The following FAAH variants were observed in gnomAD, a reference collection of about 807,000 sequenced individuals.
FAAH encodes fatty-acid amide hydrolase 1.
FAAH carries 63 observed loss-of-function variants against 69.7 expected under a neutral mutation model. That is an observed-to-expected ratio of 0.90 (90% CI 0.74 to 1.12). The LOEUF (loss-of-function observed/expected upper bound fraction) is 1.12. Ranked by LOEUF, FAAH falls within the 50% of genes most tolerant of loss-of-function variation. The pLI is 0.00. For synonymous variants in FAAH, 305 were observed against 324.2 expected, an observed-to-expected ratio of 0.94 and a Z score of 0.64; for missense variants, 680 against 755.0, an observed-to-expected ratio of 0.90 and a Z score of 1.16.
At chr1:46,397,855 G>A (rs975651941) in intron 1 of FAAH, among the ~76,000 whole-genome samples, 1 of 151,458 alleles carries the variant, frequency 6.6e-6, no homozygotes, top group African/African-American at 2.4e-5. Flanking sequence ...GAGCCACCGC[G>A]CCTGGCCAAT....
At chr1:46,402,339 G>C (rs1664719101) in intron 2 of FAAH, 135 bp downstream of exon 2, 1 of 783,882 alleles carries the variant, frequency 1.3e-6, no homozygotes, top group East Asian at 2.7e-5. Flanking sequence ...GGGGGCCATG[G>C]TGGGACCTAC....
In FAAH at chr1:46,410,996, G is replaced by A. The variant is rs1569824504; in HGVS notation, c.1316+142G>A. ...CCCAGGCAGGGGGGCAACCTTTGTG[G>A]CCTTCAGATGGGACTTTGAAGTTGT... On this transcript the variant is annotated intron_variant, in intron 11 of 14. Coordinates refer to ENST00000243167, the MANE Select transcript of FAAH (RefSeq NM_001441.3). This position sits in a 1 kb window ranked among gnomAD's most constrained non-coding sequence, Gnocchi z 4.9. The A allele has an allele frequency of 1.1e-6, 1 of 942,470 alleles. No individual in the cohort carries two copies. The highest frequency in any genetic ancestry group is 2.0e-5 in the Admixed American group (1 of 51,108). 58.4% of individuals were successfully genotyped at this position (942,470 alleles called of 1,614,324 possible).
chr1:46,401,895 C>A (rs1664708850), intron 1 of FAAH, among the ~76,000 whole-genome samples, 196 bp from the exon 2 acceptor site: 1 of 152,046 alleles, frequency 6.6e-6, no homozygotes, highest in Admixed American at 6.6e-5. Flanking sequence ...AAAAAAAAAA[C>A]CTACTTGGGC....
chr1:46,398,232 G>A (rs1664634363), intron 1 of FAAH, among the ~76,000 whole-genome samples: 1 of 152,178 alleles, frequency 6.6e-6, no homozygotes. Context: ...ACCTCACCCG[G>A]CCAGGACGTG....
Position 46,411,471 on chromosome 1 carries a change from G to A in FAAH, c.1317-141G>A. The A allele has an allele frequency of 1.1e-6, 1 of 921,922 alleles. No homozygotes were observed. The highest frequency in any genetic ancestry group is 1.7e-6 in the Non-Finnish European group (1 of 573,414). 57.1% of individuals were successfully genotyped at this position (921,922 alleles called of 1,614,324 possible). On this transcript the variant is annotated intron_variant, in intron 11 of 14. Transcript: ENST00000243167. This position sits in a 1 kb window ranked among gnomAD's most constrained non-coding sequence, Gnocchi z 4.8. Reference sequence around the variant, plus strand: ...TTTCTCATCCAGACAGTAGGGGTTTGAACTTCCCTCTCAGAGCTCCCATGG... The same window carrying A: ...TTTCTCATCCAGACAGTAGGGGTTTAAACTTCCCTCTCAGAGCTCCCATGG...
rs528385985 is a variant in FAAH, at chr1:46,412,449, G to A, written c.1465+198G>A. Among the ~76,000 whole-genome samples the A allele has an allele frequency of 5.8e-4, 88 of 152,358 alleles. 1 individual carries two copies. The South Asian group carries it at 0.017, about 30-fold the overall frequency. ...CTGTCATCAGCACTATTCAAGTTGG[G>A]GATCTTGAGTTACAGAATCTAGTTT... On this transcript the variant is annotated intron_variant, in intron 13 of 14. Transcript: ENST00000243167.
chr1:46,409,005 G>T, intron 8 of FAAH, 96 bp from the exon 9 acceptor site: 4 of 956,120 alleles, frequency 4.2e-6, no homozygotes, highest in Admixed American at 1.8e-5. Flanking sequence ...TTGTGGGCAG[G>T]GTTGGTCCAA....
At position 46,408,556 on chromosome 1, in the gene FAAH, A is replaced by G; in HGVS notation, c.1049A>G (p.Lys350Arg). 20 of 1,614,186 alleles carry G rather than the reference A, an allele frequency of 1.2e-5. No individual in the cohort carries two copies. The highest frequency in any genetic ancestry group is 1.7e-4 in the Middle Eastern group (1 of 6,060). ...PAMRRAVLET[K>R]QSLEAAGHTL... is the part of the protein sequence containing the mutation. ...ATGAGGCGGGCCGTGCTGGAGACCA[A>G]ACAGAGCCTTGAGGCTGCGGGGCAC... The change falls in exon 8 of 15, where the codon AAA (lysine) becomes AGA (arginine). Residue 350 changes from lysine to arginine, a missense_variant. Lys to Arg is a conservative substitution (Grantham distance 26, BLOSUM62 2). Coordinates refer to ENST00000243167, the MANE Select transcript of FAAH (RefSeq NM_001441.3).
In FAAH at chr1:46,405,952, G is replaced by A. The variant is rs1215383964; in HGVS notation, c.786-86G>A. The stretch of plus-strand genomic sequence containing the variant: ...GGGCGTGGGTCCTAGTTTCCAAAGC[G>A]GTGAGTGTTCAGAGCTGCTCTGTGG... On this transcript the variant is annotated intron_variant, in intron 5 of 14. Coordinates refer to ENST00000243167, the MANE Select transcript of FAAH (RefSeq NM_001441.3). The surrounding 1 kb of genome is among the most constrained non-coding windows in gnomAD (Gnocchi z 4.1). The A allele has an allele frequency of 1.2e-6, 2 of 1,613,034 alleles. No homozygotes were observed. The highest frequency in any genetic ancestry group is 1.7e-4 in the Middle Eastern group (1 of 6,060).
chr1:46,395,719 C>T (rs959633037), intron 1 of FAAH, among the ~76,000 whole-genome samples: 4 of 152,132 alleles, frequency 2.6e-5, no homozygotes, highest in Non-Finnish European at 4.4e-5. Context: ...GCAGATGTTC[C>T]GCAAGTGATT....
chr1:46,408,261 A>G (rs997485897), intron 7 of FAAH, among the ~76,000 whole-genome samples, 198 bp from the exon 8 acceptor site: 6 of 152,200 alleles, frequency 3.9e-5, no homozygotes, highest in Non-Finnish European at 8.8e-5. Flanking sequence ...TATGACCAGT[A>G]GGAATCCTTA....
chr1:46,397,541 A>AT (rs1252189718), intron 1 of FAAH, among the ~76,000 whole-genome samples: 21 of 150,686 alleles, frequency 1.4e-4, no homozygotes, highest in African/African-American at 2.4e-5. Context: ...GGGGAGTAGG[A>AT]TTTTTTTTTG....
At chr1:46,406,482 G>T in intron 7 of FAAH, 114 bp downstream of exon 7, 1 of 1,490,556 alleles carries the variant, frequency 6.7e-7, no homozygotes, top group South Asian at 1.2e-5. Flanking sequence ...CCAGGCCTCT[G>T]AGGCCAGGGC....
chr1:46,402,297 TG>T, intron 2 of FAAH, 93 bp downstream of exon 2: 1 of 1,149,340 alleles, frequency 8.7e-7, no homozygotes, highest in Admixed American at 2.0e-5. Context: ...GCACAGGCTG[TG>T]GGGAAAACCT....
chr1:46,404,865 C>A lies in FAAH; in HGVS notation c.310-149C>A. On this transcript the variant is annotated intron_variant, in intron 2 of 14. Coordinates refer to ENST00000243167, the MANE Select transcript of FAAH (RefSeq NM_001441.3). This position sits in a 1 kb window ranked among gnomAD's most constrained non-coding sequence, Gnocchi z 4.5. Reference sequence around the variant, plus strand: ...AGGCAGATGCTGAGCCCTAGGTCATCCTCTGTGCCCCAGGCTCTGGGCCAT... The same window carrying A: ...AGGCAGATGCTGAGCCCTAGGTCATACTCTGTGCCCCAGGCTCTGGGCCAT... 1 of 1,036,898 alleles carries A rather than the reference C, an allele frequency of 9.6e-7. No individual in the cohort carries two copies. The highest frequency in any genetic ancestry group is 1.4e-6 in the Non-Finnish European group (1 of 693,838). 64.2% of individuals were successfully genotyped at this position (1,036,898 alleles called of 1,614,324 possible). A position where few individuals can be genotyped will look rare whatever the true frequency, so the allele number is the denominator to read the frequency against.
At chr1:46,409,573 GTCT>G (rs1418765069) in intron 9 of FAAH, among the ~76,000 whole-genome samples, 23 of 152,150 alleles carry the variant, frequency 1.5e-4, no homozygotes, top group South Asian at 4.1e-4. Context: ...CTTGAGCCAA[GTCT>G]TCTTTTTGAG....
chr1:46,397,552 G>T (rs535406766), intron 1 of FAAH, among the ~76,000 whole-genome samples: 19 of 151,938 alleles, frequency 1.3e-4, no homozygotes, highest in East Asian at 3.9e-4. Context: ...TTTTTTTTTG[G>T]TTTTTGTTAT....
At position 46,405,870 on chromosome 1, in the gene FAAH, G is replaced by C. The variant is rs1272269894; in HGVS notation, c.785+76G>C. The stretch of plus-strand genomic sequence containing the variant: ...TAGCTTCCAACCTCTCTGGGCTCCA[G>C]GCGGGGATTCGGTCTCCGGGGTTTT... On this transcript the variant is annotated intron_variant, in intron 5 of 14. Transcript: ENST00000243167. The surrounding 1 kb of genome is among the most constrained non-coding windows in gnomAD (Gnocchi z 4.1). 1.9e-6 allele frequency: 3 copies of C among 1,606,144 alleles called. No homozygotes were observed. Among genetic ancestry groups the C allele is most frequent in the Non-Finnish European group, 2.5e-6 (3 of 1,176,728 alleles).
Position 46,405,946 on chromosome 1 carries a change from C to T in FAAH, c.786-92C>T. On this transcript the variant is annotated intron_variant, in intron 5 of 14. Transcript: ENST00000243167. This position sits in a 1 kb window ranked among gnomAD's most constrained non-coding sequence, Gnocchi z 4.1. ...CTGGCCGGGCGTGGGTCCTAGTTTCCAAAGCGGTGAGTGTTCAGAGCTGCT... is the reference window on the plus strand; with the variant it reads ...CTGGCCGGGCGTGGGTCCTAGTTTCTAAAGCGGTGAGTGTTCAGAGCTGCT... 1 of 1,612,900 alleles carries T rather than the reference C, an allele frequency of 6.2e-7. No individual in the cohort carries two copies. The highest frequency in any genetic ancestry group is 8.5e-7 in the Non-Finnish European group (1 of 1,179,880).
Sources: gnomAD v4.1 joint callset for allele counts (sites outside exome capture counted in the v4.1 genomes callset) on GRCh38, gnomAD v4.1.1 for gene constraint, Gnocchi (gnomAD v3.1) non-coding constraint, MANE v1.5 for transcripts, NCBI Gene and HGNC (gene_info 2026-07-23, HGNC 2026-07-21) for gene names.